ARHGAP26: variants seen among roughly 807,000 people sequenced by gnomAD.
ARHGAP26 encodes rho GTPase-activating protein 26.
ARHGAP26 carries 38 observed loss-of-function variants against 104.8 expected under a neutral mutation model. The observed-to-expected ratio is 0.36, with a 90% CI of 0.28 to 0.48. The LOEUF is 0.48. Ranked by LOEUF, ARHGAP26 falls within the 20% of genes least tolerant of loss-of-function variation. The pLI, the probability that ARHGAP26 is intolerant of heterozygous loss-of-function variation, is 0.99. For synonymous variants in ARHGAP26, 341 were observed against 340.0 expected (o/e 1.00, Z -0.03); for missense variants, 704 against 947.9 (o/e 0.74, Z 3.38).
chr5:143,173,156 G>C, intron 20 of ARHGAP26: 1 of 166,594 alleles, frequency 6.0e-6, no homozygotes. Flanking sequence ...CTGCATCTTG[G>C]TAAGTGAGTA....
intron 1 of ARHGAP26, among the ~76,000 whole-genome samples, chr5:142,851,911 C>T (rs1751588570): frequency 6.6e-6 from 1 of 152,210 alleles, no homozygotes; most frequent in South Asian, 2.1e-4. Context: ...GCAGGTTATT[C>T]ATGGAGTCTG....
intron 11 of ARHGAP26, among the ~76,000 whole-genome samples, chr5:142,988,143 A>G (rs1775042180): frequency 1.3e-5 from 2 of 151,876 alleles, no homozygotes; most frequent in South Asian, 4.2e-4. Flanking sequence ...TTTGGTTGGT[A>G]GGCTATTATT....
At chr5:142,803,171 G>A (rs193268396) in intron 1 of ARHGAP26, among the ~76,000 whole-genome samples, 62 of 152,294 alleles carry the variant, frequency 4.1e-4, no homozygotes, top group African/African-American at 1.3e-3. Flanking sequence ...GATCTGAGAT[G>A]CCAATTAAAT....
chr5:142,994,839 A>C (rs372993247), intron 11 of ARHGAP26, among the ~76,000 whole-genome samples: 1 of 152,182 alleles, frequency 6.6e-6, no homozygotes, highest in Non-Finnish European at 1.5e-5. Flanking sequence ...CATTTTATAG[A>C]TGGGGTAATG....
chr5:143,079,798 G>T (rs1789548159), intron 17 of ARHGAP26, among the ~76,000 whole-genome samples: 1 of 152,066 alleles, frequency 6.6e-6, no homozygotes, highest in Non-Finnish European at 1.5e-5. Flanking sequence ...CGTGCCTAGG[G>T]AAAGTGAGCT....
intron 14 of ARHGAP26, among the ~76,000 whole-genome samples, chr5:143,048,084 A>C (rs1406887319): frequency 6.6e-6 from 1 of 152,120 alleles, no homozygotes; most frequent in East Asian, 1.9e-4. Flanking sequence ...CCTGACCTCA[A>C]GTGATCCACC....
intron 12 of ARHGAP26, chr5:143,014,492 T>A (rs951648718): frequency 4.7e-6 from 1 of 213,448 alleles, no homozygotes; most frequent in African/African-American, 2.3e-5. Context: ...AAAGCCAAAG[T>A]TGCTGTTGCC....
chr5:143,043,740 A>G (rs1369841617), intron 14 of ARHGAP26, among the ~76,000 whole-genome samples: 1 of 152,228 alleles, frequency 6.6e-6, no homozygotes, highest in Non-Finnish European at 1.5e-5. Flanking sequence ...ATTAAATTTT[A>G]GAAAGAGCTG....
At chr5:142,864,347 G>A (rs946138714) in intron 1 of ARHGAP26, among the ~76,000 whole-genome samples, 7 of 152,180 alleles carry the variant, frequency 4.6e-5, no homozygotes, top group African/African-American at 7.2e-5. Context: ...TAAAAGGCAC[G>A]ACTTGAGCTT....
At chr5:143,164,126 A>T (rs984658039) in intron 20 of ARHGAP26, among the ~76,000 whole-genome samples, 5 of 151,822 alleles carry the variant, frequency 3.3e-5, no homozygotes, top group African/African-American at 1.2e-4. Context: ...TTCTTATATA[A>T]TGCAGTATAT....
rs186955882 is a variant in ARHGAP26, at chr5:143,219,410, G to A, written c.2192-2948G>A. 1.2e-4 allele frequency among the ~76,000 whole-genome samples: 18 copies of A among 152,342 alleles called. No individual in the cohort carries two copies. The East Asian group carries it at 2.9e-3, about 24-fold the overall frequency. Reference sequence around the variant, plus strand: ...TTACTGAAGGTTGTGGAGCCAGGAAGTGCTATAATCCAAACCAAAACGCAC... The same window carrying A: ...TTACTGAAGGTTGTGGAGCCAGGAAATGCTATAATCCAAACCAAAACGCAC... On this transcript the variant is annotated intron_variant, in intron 22 of 22. Coordinates refer to ENST00000645722, the MANE Select transcript of ARHGAP26 (RefSeq NM_001135608.3).
chr5:143,190,055 G>C (rs1805724304), intron 20 of ARHGAP26, among the ~76,000 whole-genome samples: 1 of 145,528 alleles, frequency 6.9e-6, no homozygotes, highest in Non-Finnish European at 1.5e-5. Flanking sequence ...AAAAGACCTG[G>C]TTTCTGGGGT....
chr5:143,162,671 A>G (rs1801412147), intron 20 of ARHGAP26, among the ~76,000 whole-genome samples: 1 of 152,014 alleles, frequency 6.6e-6, no homozygotes, highest in Non-Finnish European at 1.5e-5. Flanking sequence ...ACGCAAACTT[A>G]TTTTCATCTA....
At chr5:142,925,619 T>G (rs1358049114) in intron 10 of ARHGAP26, among the ~76,000 whole-genome samples, 4 of 152,200 alleles carry the variant, frequency 2.6e-5, no homozygotes, top group African/African-American at 9.7e-5. Context: ...AAGGACCACT[T>G]CCCTTCCCTG....
At chr5:142,889,443 T>C (rs1758177914) in intron 5 of ARHGAP26, among the ~76,000 whole-genome samples, 1 of 151,748 alleles carries the variant, frequency 6.6e-6, no homozygotes, top group Admixed American at 6.6e-5. Context: ...CGAAACCCTG[T>C]CTCTAGTGAA....
At chr5:142,993,043 G>A (rs1348252061) in intron 11 of ARHGAP26, among the ~76,000 whole-genome samples, 7 of 151,846 alleles carry the variant, frequency 4.6e-5, no homozygotes, top group East Asian at 3.9e-4. Context: ...GTGCAGTGGC[G>A]GGATCTCGGC....
chr5:142,903,766 A>G (rs941621094), intron 8 of ARHGAP26, 97 bp downstream of exon 8: 2 of 1,259,726 alleles, frequency 1.6e-6, no homozygotes, highest in Non-Finnish European at 2.1e-6. Flanking sequence ...CTGTAGATAC[A>G]TGCTTGGATA....
At chr5:142,916,515 C>G (rs1762510693) in intron 10 of ARHGAP26, among the ~76,000 whole-genome samples, 1 of 152,186 alleles carries the variant, frequency 6.6e-6, no homozygotes. Flanking sequence ...TTTATTCTTA[C>G]TACTACTTGG....
intron 1 of ARHGAP26, among the ~76,000 whole-genome samples, chr5:142,780,826 T>C (rs1374998498): frequency 1.3e-5 from 2 of 152,174 alleles, no homozygotes; most frequent in South Asian, 4.1e-4. Flanking sequence ...TTGCCTATCA[T>C]AGAAGCTTCC....
Sources: gnomAD v4.1 joint callset for allele counts (sites outside exome capture counted in the v4.1 genomes callset) on GRCh38, gnomAD v4.1.1 for gene constraint, MANE v1.5 for transcripts, NCBI Gene and HGNC (gene_info 2026-07-23, HGNC 2026-07-21) for gene names.